Variants in ADORA2B observed in about 807,000 individuals in gnomAD.
ADORA2B encodes adenosine receptor A2b.
Under a neutral mutation model 20.8 loss-of-function variants are expected in ADORA2B, and 18 were observed. That is an observed-to-expected ratio of 0.87 (90% CI 0.60 to 1.29). The LOEUF (loss-of-function observed/expected upper bound fraction) is 1.29. ADORA2B is among the 50% of genes most tolerant of loss of function. The probability of loss-of-function intolerance (pLI) is 0.00; values close to 1 mark genes in which losing one functional copy is unlikely to be tolerated. For missense variants in ADORA2B, 441 were observed against 422.7 expected (o/e 1.04, Z -0.38); for synonymous variants, 179 against 178.3 (o/e 1.00, Z -0.03).
At chr17:15,886,005 G>A in the ADORA2B span, among the ~76,000 whole-genome samples, 8 of 152,202 alleles carry the variant, frequency 5.3e-5, no homozygotes, top group Non-Finnish European at 2.9e-5. Flanking sequence ...AGCGTGGCCA[G>A]TTGGTTCCTG....
At chr17:15,889,414 G>A in the ADORA2B span, among the ~76,000 whole-genome samples, 2 of 127,684 alleles carry the variant, frequency 1.6e-5, 1 homozygote, top group African/African-American at 6.8e-5. Context: ...GTAGAAATGC[G>A]CAGGTCCAAC....
chr17:15,938,994 A>T, the ADORA2B span, among the ~76,000 whole-genome samples: 1 of 152,124 alleles, frequency 6.6e-6, no homozygotes, highest in African/African-American at 2.4e-5. Flanking sequence ...ATCTCTCCAT[A>T]ACATCAAACA....
chr17:15,910,755 G>T, the ADORA2B span, among the ~76,000 whole-genome samples: 7 of 152,158 alleles, frequency 4.6e-5, no homozygotes, highest in African/African-American at 1.7e-4. Context: ...TGCAGGTTCA[G>T]CCCCTTCCCA....
chr17:15,893,974 G>A, the ADORA2B span, among the ~76,000 whole-genome samples: 1 of 152,172 alleles, frequency 6.6e-6, no homozygotes, highest in Non-Finnish European at 1.5e-5. Context: ...GCATGGCTGT[G>A]TCCCAACAAA....
chr17:15,891,609 C>G, the ADORA2B span, among the ~76,000 whole-genome samples: 1 of 152,102 alleles, frequency 6.6e-6, no homozygotes, highest in Non-Finnish European at 1.5e-5. Flanking sequence ...CAGAGAGATC[C>G]TGGGAATGAG....
At chr17:15,937,648 C>T in the ADORA2B span, among the ~76,000 whole-genome samples, 4 of 151,904 alleles carry the variant, frequency 2.6e-5, no homozygotes, top group African/African-American at 9.7e-5. Flanking sequence ...TCTTGGCTCA[C>T]TGCAACCTCT....
intron 1 of ADORA2B, among the ~76,000 whole-genome samples, chr17:15,956,770 TTG>T (rs1042416734): frequency 7.8e-4 from 119 of 152,168 alleles, no homozygotes; most frequent in African/African-American, 2.7e-3. Context: ...CAGCTGATTT[TTG>T]TGTTTTTAGT....
chr17:15,938,299 G>GTTTGTT, the ADORA2B span, among the ~76,000 whole-genome samples: 1 of 152,116 alleles, frequency 6.6e-6, no homozygotes, highest in Non-Finnish European at 1.5e-5. Context: ...TGTTCTTTTT[G>GTTTGTT]TTTGTTTTTG....
At chr17:15,959,029 A>G (rs865903014) in intron 1 of ADORA2B, among the ~76,000 whole-genome samples, 9 of 152,276 alleles carry the variant, frequency 5.9e-5, no homozygotes, top group Middle Eastern at 6.8e-3. Context: ...GGGTGGGATT[A>G]GCTCTGAACC....
chr17:15,923,292 C>T, the ADORA2B span, among the ~76,000 whole-genome samples: 5 of 149,152 alleles, frequency 3.4e-5, no homozygotes, highest in Non-Finnish European at 7.4e-5. Flanking sequence ...TCAGGTGATC[C>T]ACCCACCTCA....
chr17:15,880,013 C>A, the ADORA2B span, among the ~76,000 whole-genome samples: 1 of 148,482 alleles, frequency 6.7e-6, no homozygotes, highest in South Asian at 2.1e-4. Context: ...GGACTGATAC[C>A]CTTGTTTTGG....
chr17:15,945,613 G>A, intron 1 of ADORA2B, 30 bp downstream of exon 1: 1 of 1,444,674 alleles, frequency 6.9e-7, no homozygotes, highest in Non-Finnish European at 9.1e-7. Flanking sequence ...CCGAACTCGG[G>A]GCCCCGTCGG....
the ADORA2B span, among the ~76,000 whole-genome samples, chr17:15,897,291 G>A: frequency 1.3e-5 from 2 of 152,166 alleles, no homozygotes; most frequent in African/African-American, 4.8e-5. Flanking sequence ...TTTCTAGCCA[G>A]GCGTGGTGGC....
the ADORA2B span, among the ~76,000 whole-genome samples, chr17:15,910,283 C>T: frequency 6.6e-6 from 1 of 152,078 alleles, no homozygotes; most frequent in Non-Finnish European, 1.5e-5. Flanking sequence ...TTGAATGCGG[C>T]CCAACACAAA....
At chr17:15,961,160 C>T (rs1171070315) in intron 1 of ADORA2B, among the ~76,000 whole-genome samples, 7 of 54,000 alleles carry the variant, frequency 1.3e-4, no homozygotes, top group Non-Finnish European at 3.3e-4. Flanking sequence ...GAGCGAGACT[C>T]TGTCAAAAAA....
intron 1 of ADORA2B, among the ~76,000 whole-genome samples, chr17:15,966,669 A>G (rs1457570257): frequency 6.6e-6 from 1 of 152,158 alleles, no homozygotes; most frequent in East Asian, 1.9e-4. Flanking sequence ...CCTTATAAGG[A>G]GAATGGATGG....
chr17:15,875,198 T>C, the ADORA2B span, among the ~76,000 whole-genome samples: 11 of 152,244 alleles, frequency 7.2e-5, no homozygotes, highest in African/African-American at 2.7e-4. Flanking sequence ...GAGATCCTGA[T>C]GAGCAAAGCG....
the ADORA2B span, among the ~76,000 whole-genome samples, chr17:15,899,351 G>A: frequency 1.3e-5 from 2 of 152,142 alleles, no homozygotes; most frequent in African/African-American, 2.4e-5. Flanking sequence ...AGATTATGCA[G>A]GGAAAATTTT....
At chr17:15,949,144 G>T (rs1313806612) in intron 1 of ADORA2B, among the ~76,000 whole-genome samples, 2 of 150,850 alleles carry the variant, frequency 1.3e-5, no homozygotes, top group Non-Finnish European at 2.9e-5. Context: ...GGAGGCAGAG[G>T]TTGCAGTGAG....
Sources: gnomAD v4.1 joint callset for allele counts (sites outside exome capture counted in the v4.1 genomes callset) on GRCh38, gnomAD v4.1.1 for gene constraint, MANE v1.5 for transcripts, NCBI Gene and HGNC (gene_info 2026-07-23, HGNC 2026-07-21) for gene names.